SYNE2: variants seen among roughly 807,000 people sequenced by gnomAD.
SYNE2 encodes the protein nesprin-2.
A neutral mutation model predicts 856.3 loss-of-function variants in SYNE2; 431 were observed. That is an observed-to-expected ratio of 0.50 (90% CI 0.47 to 0.55). The LOEUF (loss-of-function observed/expected upper bound fraction) is 0.55. SYNE2 is among the 20% of genes least tolerant of loss of function. SYNE2 has a pLI of 0.00. For missense variants in SYNE2, 8,129 were observed against 8,023.2 expected, an observed-to-expected ratio of 1.01 and a Z score of -0.50; for synonymous variants, 2,923 against 2,872.3, an observed-to-expected ratio of 1.02 and a Z score of -0.56.
rs189289498 is a variant in SYNE2, at chr14:63,863,603, A to C, written c.-52+10460A>C. ...TCCCATGCCTCCAAAACAAATAAAA[A>C]CCCCCCACAACTCAAATGCATATAA... On this transcript the variant is annotated intron_variant, in intron 1 of 115. Coordinates refer to ENST00000555002, the MANE Select transcript of SYNE2 (RefSeq NM_182914.3). Among the ~76,000 whole-genome samples the C allele has an allele frequency of 3.5e-3, 528 of 151,828 alleles. 2 individuals are homozygous for C. Among genetic ancestry groups the C allele is most frequent in the Non-Finnish European group, 5.3e-3 (360 of 67,912 alleles).
rs777643257 is a variant in SYNE2, at chr14:64,143,794, A to T, written c.15329A>T (p.Tyr5110Phe). Residue 5110 changes from tyrosine (Y) to phenylalanine (F), a missense_variant, in exon 83 of 116, where the codon TAT becomes TTT. Coordinates refer to ENST00000555002, the MANE Select transcript of SYNE2 (RefSeq NM_182914.3). The part of the protein sequence containing the change: ...KHKEFRMEMD[Y>F]KQWIVDFVNQ... ...TAGGAGTTTAGAATGGAAATGGACTATAAACAGTGGATAGTTGACTTCGTT... is the reference window on the plus strand; with the variant it reads ...TAGGAGTTTAGAATGGAAATGGACTTTAAACAGTGGATAGTTGACTTCGTT... 1.2e-6 allele frequency: 2 copies of T among 1,614,230 alleles called. No individual in the cohort carries two copies. Among genetic ancestry groups the T allele is most frequent in the Non-Finnish European group, 1.7e-6 (2 of 1,180,020 alleles).
At chr14:63,994,900 C>A in intron 22 of SYNE2, 144 bp from the exon 23 acceptor site, 2 of 514,862 alleles carry the variant, frequency 3.9e-6, no homozygotes, top group Non-Finnish European at 6.7e-6. Context: ...AAACATCTCC[C>A]CCCAAAATAC....
intron 88 of SYNE2, chr14:64,162,614 A>G (rs1217943462): frequency 1.1e-5 from 4 of 363,300 alleles, no homozygotes; most frequent in South Asian, 7.2e-5. Context: ...AGAATAATAC[A>G]TGTTGTATCT....
chr14:63,852,874 C>G (rs951791591), upstream of SYNE2: 9 of 149,102 alleles, frequency 6.0e-5, no homozygotes, highest in African/African-American at 2.2e-4. Context: ...GCTGCTCCGC[C>G]CCGGCGCTGG....
chr14:64,178,943 G>A (rs2098446425), intron 96 of SYNE2, among the ~76,000 whole-genome samples: 1 of 151,978 alleles, frequency 6.6e-6, no homozygotes, highest in Non-Finnish European at 1.5e-5. Flanking sequence ...TGGATGTGGT[G>A]GCACTTGACT....
chr14:64,076,492 C>T (rs1457829032), intron 54 of SYNE2, among the ~76,000 whole-genome samples: 1 of 152,076 alleles, frequency 6.6e-6, no homozygotes, highest in Non-Finnish European at 1.5e-5. Flanking sequence ...AATAAGAATA[C>T]AAATTTCACA....
intron 84 of SYNE2, among the ~76,000 whole-genome samples, chr14:64,148,166 T>C (rs1177875343): frequency 1.3e-5 from 2 of 151,996 alleles, no homozygotes; most frequent in East Asian, 1.9e-4. Context: ...TATTTAAAAA[T>C]TAGCCGGGCA....
chr14:63,962,377 A>G (rs1363346316), intron 9 of SYNE2, among the ~76,000 whole-genome samples: 1 of 151,958 alleles, frequency 6.6e-6, no homozygotes, highest in African/African-American at 2.4e-5. Context: ...TTTGTATTAT[A>G]ATATTTATTT....
chr14:63,775,977 G>A (rs143385617), intron 1 of SYNE2, among the ~76,000 whole-genome samples: 1 of 152,270 alleles, frequency 6.6e-6, no homozygotes, highest in African/African-American at 2.4e-5. Context: ...CCAAGGGAGA[G>A]GCAACACACT....
chr14:64,195,400 C>G (rs1212691828), intron 99 of SYNE2, among the ~76,000 whole-genome samples: 1 of 152,202 alleles, frequency 6.6e-6, no homozygotes, highest in Non-Finnish European at 1.5e-5. Flanking sequence ...GGTAGCACCA[C>G]TAGCAAGGCC....
rs34883942 is a variant in SYNE2 at position 63,823,623 on chromosome 14, ATT to A, written c.-304-28864_-304-28863del. ...GACAAAAACACCACATGGAAGGAAC[ATT>A]TTTTTTTTTTTTTGTCTGAGACAGG... On this transcript the variant is annotated intron_variant, in intron 1 of 23. Transcript: ENST00000674003. Among the ~76,000 whole-genome samples, 135 of 142,880 alleles carry A rather than the reference ATT, an allele frequency of 9.4e-4. 1 individual carries two copies. The highest frequency in any genetic ancestry group is 9.1e-4 in the Admixed American group (13 of 14,268). 93.7% of individuals were successfully genotyped at this position (142,880 alleles called of 152,430 possible).
chr14:63,927,613 G>A (rs2095686564), intron 2 of SYNE2, among the ~76,000 whole-genome samples: 1 of 151,942 alleles, frequency 6.6e-6, no homozygotes, highest in South Asian at 2.1e-4. Flanking sequence ...CATGCCTTTC[G>A]GCCGGCGCTG....
intron 8 of SYNE2, among the ~76,000 whole-genome samples, chr14:63,960,191 C>T (rs2096292119): frequency 6.6e-6 from 1 of 152,182 alleles, no homozygotes; most frequent in Non-Finnish European, 1.5e-5. Flanking sequence ...GACAGAATAA[C>T]TTAATTCTTA....
Position 64,170,290 on chromosome 14 carries a change from T to C in SYNE2, c.17063T>C (p.Val5688Ala). 6.2e-7 allele frequency: 1 copy of C among 1,614,172 alleles called. No individual in the cohort carries two copies. The highest frequency in any genetic ancestry group is 1.1e-5 in the South Asian group (1 of 91,082). Residue 5688 changes from valine (V) to alanine (A), a missense_variant, in exon 94 of 116, where the codon GTT becomes GCT. Around this residue, in one of 3 missense-constraint regions of SYNE2, gnomAD observed 5,410 missense variants for 5,284.8 expected, o/e 1.02. Transcript: ENST00000555002. ...CGGTGGCAGAATGCTGTCCAGGGTG[T>C]TCGGCAGAGGAAGGGTGACGTTGAT... ...TDRWQNAVQG[V>A]RQRKGDVDGL... is the part of the protein sequence containing the mutation.
At chr14:63,945,104 CTTTTTTTTT>C (rs34692882) in intron 6 of SYNE2, among the ~76,000 whole-genome samples, 1 of 106,254 alleles carries the variant, frequency 9.4e-6, no homozygotes, top group Non-Finnish European at 1.9e-5. Flanking sequence ...CACACCTGGC[CTTTTTTTTT>C]TTTTTTTTTT....
At chr14:63,769,729 AAAAAG>A (rs1886832206) in intron 1 of SYNE2, among the ~76,000 whole-genome samples, 1 of 151,028 alleles carries the variant, frequency 6.6e-6, no homozygotes, top group Non-Finnish European at 1.5e-5. Flanking sequence ...AAAAAAAAAA[AAAAAG>A]AAAGAAAAAG....
Position 63,948,780 on chromosome 14 carries a change from G to GTGTA in SYNE2, c.409-1043_409-1040dup, listed in dbSNP as rs1337545092. 4.5e-4 allele frequency among the ~76,000 whole-genome samples: 37 copies of GTGTA among 81,992 alleles called. 1 individual carries two copies. The highest frequency in any genetic ancestry group is 1.4e-3 in the Admixed American group (10 of 7,060). The allele number at this position is 81,992 out of a possible 152,430, so 53.8% of individuals were successfully genotyped here. A position where few individuals can be genotyped will look rare whatever the true frequency, so the allele number is the denominator to read the frequency against. On this transcript the variant is annotated intron_variant, in intron 6 of 115. Transcript: ENST00000555002. ...TATATGTATATATATGTATGTGTGT[G>GTGTA]TGTATATATATATATATATATATAT...
Position 64,167,367 on chromosome 14 carries a change from C to T in SYNE2, c.16740C>T (p.Ala5580=). 1 of 1,614,206 alleles carries T rather than the reference C, an allele frequency of 6.2e-7. No individual in the cohort carries two copies. The highest frequency in any genetic ancestry group is 8.5e-7 in the Non-Finnish European group (1 of 1,180,040). Residue 5580 remains alanine, a synonymous_variant, in exon 91 of 116, where the codon GCC becomes GCT. Coordinates refer to ENST00000555002, the MANE Select transcript of SYNE2 (RefSeq NM_182914.3). ...NMNRQWIRAT[A]TALERCSELQ... Reference sequence around the variant, plus strand: ...ACCGGCAATGGATTCGGGCCACGGCCACGGCACTGGAGCGCTGCAGGTTAG... The same window carrying T: ...ACCGGCAATGGATTCGGGCCACGGCTACGGCACTGGAGCGCTGCAGGTTAG...
rs764313645 is a variant in SYNE2 at position 64,053,225 on chromosome 14, A to C, written c.9312A>C (p.Lys3104Asn). ...GTTTATGTGATGAGATAATAAAGAA[A>C]TTAAATGAAAATAAGACCTTTGATG... ...AKCLCDEIIK[K>N]LNENKTFDDS... is the part of the protein sequence containing the mutation. Residue 3104 changes from lysine to asparagine, a missense_variant, in exon 48 of 116, where the codon AAA (lysine) becomes AAC (asparagine). Lys to Asn is a moderately conservative substitution (Grantham distance 94). Transcript: ENST00000555002. The C allele has an allele frequency of 6.2e-7, 1 of 1,612,824 alleles. No homozygotes were observed. Among genetic ancestry groups the C allele is most frequent in the Non-Finnish European group, 8.5e-7 (1 of 1,179,634 alleles).
Sources: gnomAD v4.1 joint callset for allele counts (sites outside exome capture counted in the v4.1 genomes callset) on GRCh38, gnomAD v4.1.1 for gene constraint, gnomAD v4.1.1 regional missense constraint, MANE v1.5 for transcripts, NCBI Gene and HGNC (gene_info 2026-07-23, HGNC 2026-07-21) for gene names.